Variants in PROX2 observed in about 807,000 individuals in gnomAD.
PROX2 encodes the protein prospero homeobox protein 2.
Under a neutral mutation model 48.9 loss-of-function variants are expected in PROX2, and 46 were observed. That is an observed-to-expected ratio of 0.94 (90% CI 0.74 to 1.20). PROX2 has a LOEUF of 1.20. PROX2 is among the 50% of genes most tolerant of loss of function. PROX2 has a pLI of 0.00. For missense variants in PROX2, 663 were observed against 719.4 expected (o/e 0.92, Z 0.90); for synonymous variants, 260 against 276.6 (o/e 0.94, Z 0.60).
At position 74,855,176 on chromosome 14, in the gene PROX2, T is replaced by A; in HGVS notation, c.1735A>T (p.Ser579Cys). 6.3e-7 allele frequency: 1 copy of A among 1,593,000 alleles called. No individual in the cohort carries two copies. The highest frequency in any genetic ancestry group is 1.1e-5 in the South Asian group (1 of 87,114). Residue 579 changes from serine (S) to cysteine (C), a missense_variant, in exon 6 of 6, where the codon AGT becomes TGT. Transcript: ENST00000556489. The part of the protein sequence containing the change: ...PIYKIISKLD[S>C]DIPEIFKSSS... ...GATTTGAATATCTCTGGGATGTCAC[T>A]GTCCAGTTTCGAAATAATTTTATAA... is the stretch of plus-strand genomic sequence containing the variant.
chr14:74,857,052 G>C, intron 4 of PROX2, 57 bp from the exon 5 acceptor site: 1 of 1,448,752 alleles, frequency 6.9e-7, no homozygotes, highest in South Asian at 1.2e-5. Flanking sequence ...CTCAGAATTA[G>C]AACTGTCTGC....
At chr14:74,870,079 A>G (rs1883172271) in intron 2 of PROX2, among the ~76,000 whole-genome samples, 1 of 151,914 alleles carries the variant, frequency 6.6e-6, no homozygotes, top group Non-Finnish European at 1.5e-5. Context: ...ATGTAACATT[A>G]TTTTATAAAA....
rs1192118646 is a variant in PROX2 at position 74,854,597 on chromosome 14, GATA to G, written c.*532_*534del. 2.0e-5 allele frequency: 3 copies of G among 153,070 alleles called. No individual in the cohort carries two copies. Among genetic ancestry groups the G allele is most frequent in the East Asian group, 1.9e-4 (1 of 5,208 alleles). The allele number at this position is 153,070 out of a possible 1,614,324, so 9.5% of individuals were successfully genotyped here. ...TCTGTTTGGTCATCTTTTAAATGAT[GATA>G]ATAACTACTTTTCAGGGTGAAAAGC... is the stretch of plus-strand genomic sequence containing the variant. On this transcript the variant is annotated 3_prime_UTR_variant, in exon 6 of 6. Coordinates refer to ENST00000556489, the MANE Select transcript of PROX2 (RefSeq NM_001243007.2).
chr14:74,857,242 G>C (rs916030289), intron 4 of PROX2: 6 of 386,952 alleles, frequency 1.6e-5, no homozygotes, highest in Non-Finnish European at 2.8e-5. Flanking sequence ...GATTTATGGG[G>C]GTTGTTTTAC....
At chr14:74,873,693 T>G (rs1382411927) in intron 1 of PROX2, 1 of 397,138 alleles carries the variant, frequency 2.5e-6, no homozygotes, top group Admixed American at 2.8e-5. Flanking sequence ...AATGAAGGAA[T>G]TAAGGCTTAA....
In PROX2 at chr14:74,857,132, A is replaced by G. The variant is rs575958609; in HGVS notation, c.1414-137T>C. On this transcript the variant is annotated intron_variant, in intron 4 of 5. Transcript: ENST00000556489. ...AACAGGGGCTTCCTTTAAAAAAAGAAGCGAAGCCACCGCTATTTTCCAAGC... is the reference window on the plus strand; with the variant it reads ...AACAGGGGCTTCCTTTAAAAAAAGAGGCGAAGCCACCGCTATTTTCCAAGC... 7.6e-6 allele frequency: 5 copies of G among 655,582 alleles called. No homozygotes were observed. The East Asian group carries it at 1.3e-4, about 17-fold the overall frequency. 40.6% of individuals were successfully genotyped at this position (655,582 alleles called of 1,614,324 possible).
intron 5 of PROX2, 58 bp from the exon 6 acceptor site, chr14:74,855,360 GC>G: frequency 7.1e-7 from 1 of 1,398,610 alleles, no homozygotes; most frequent in Non-Finnish European, 9.6e-7. Flanking sequence ...AAGCACTGGT[GC>G]CAGAGCCCTC....
intron 4 of PROX2, 101 bp downstream of exon 4, chr14:74,858,306 T>G (rs1230906756): frequency 3.0e-6 from 2 of 666,828 alleles, no homozygotes; most frequent in Non-Finnish European, 5.4e-6. Context: ...AAGGGGAGCT[T>G]GAAGTGCACA....
At chr14:74,869,279 A>G (rs1165981779) in intron 2 of PROX2, among the ~76,000 whole-genome samples, 2 of 146,058 alleles carry the variant, frequency 1.4e-5, no homozygotes, top group Non-Finnish European at 3.0e-5. Context: ...AGAACCTTCA[A>G]CTTTTTTTTT....
intron 3 of PROX2, chr14:74,861,168 G>T: frequency 1.5e-6 from 2 of 1,334,708 alleles, no homozygotes; most frequent in South Asian, 1.1e-5. Context: ...CCATCCTGCT[G>T]CCCTCACAGT....
chr14:74,864,304 CTGAACAACTGGCATTATGCCAAGA>C (rs747536232), intron 2 of PROX2, among the ~76,000 whole-genome samples: 23 of 152,106 alleles, frequency 1.5e-4, no homozygotes, highest in Non-Finnish European at 2.9e-4. Flanking sequence ...TGGCAGCCGC[CTGAACAACTGGCATTATGCCAAGA>C]ACTCTACATC....
At chr14:74,864,219 T>C (rs1403380284) in intron 2 of PROX2, among the ~76,000 whole-genome samples, 2 of 151,826 alleles carry the variant, frequency 1.3e-5, no homozygotes, top group Non-Finnish European at 1.5e-5. Flanking sequence ...ACTCCGAGAG[T>C]GATCTTACAG....
chr14:74,867,072 T>C (rs998259419), intron 2 of PROX2, among the ~76,000 whole-genome samples: 1 of 152,198 alleles, frequency 6.6e-6, no homozygotes, highest in African/African-American at 2.4e-5. Context: ...TGGGAACTGG[T>C]GGAAATTTTC....
chr14:74,863,747 A>G lies in PROX2; in HGVS notation c.88T>C (p.Ser30Pro). 6.5e-7 allele frequency: 1 copy of G among 1,528,782 alleles called. No individual in the cohort carries two copies. The highest frequency in any genetic ancestry group is 8.8e-7 in the Non-Finnish European group (1 of 1,142,698). The allele number at this position is 1,528,782 out of a possible 1,614,324, so 94.7% of individuals were successfully genotyped here. Reference protein sequence around the residue: ...EACTEGERSSSPPELDRDSPF... With the variant: ...EACTEGERSSPPPELDRDSPF... Reference sequence around the variant, plus strand: ...GAGTCTCTATCCAGCTCTGGAGGGGATGAGCTTCTCTCGCCTTCCGTACAA... The same window carrying G: ...GAGTCTCTATCCAGCTCTGGAGGGGGTGAGCTTCTCTCGCCTTCCGTACAA... Residue 30 changes from serine to proline, a missense_variant, in exon 3 of 6, where the codon TCC becomes CCC. Coordinates refer to ENST00000556489, the MANE Select transcript of PROX2 (RefSeq NM_001243007.2).
At chr14:74,875,723 C>A (rs1352408432) in intron 1 of PROX2, among the ~76,000 whole-genome samples, 172 bp downstream of exon 1, 1 of 152,088 alleles carries the variant, frequency 6.6e-6, no homozygotes, top group East Asian at 1.9e-4. Context: ...TTTCAGCCAA[C>A]AAAAATAAGC....
At position 74,863,203 on chromosome 14, in the gene PROX2, T is replaced by A; in HGVS notation, c.632A>T (p.Lys211Met). Residue 211 changes from lysine to methionine, a missense_variant, in exon 3 of 6, where the codon AAG becomes ATG. Transcript: ENST00000556489. ...TGCTCCAGAAGGAAGGAAACTGGGC[T>A]TCTCAGACTCTTGGTGTTTTTCTGC... The part of the protein sequence containing the change: ...SGAEKHQESE[K>M]PSFLPSGAPA... The A allele has an allele frequency of 6.2e-7, 1 of 1,614,044 alleles. No individual in the cohort carries two copies. The highest frequency in any genetic ancestry group is 8.5e-7 in the Non-Finnish European group (1 of 1,179,894).
At chr14:74,866,174 T>G (rs1249912702) in intron 2 of PROX2, among the ~76,000 whole-genome samples, 1 of 150,398 alleles carries the variant, frequency 6.6e-6, no homozygotes, top group African/African-American at 2.4e-5. Context: ...AGGAGAATTG[T>G]TTGAATCCAG....
At position 74,861,169 on chromosome 14, in the gene PROX2, C is replaced by T. The variant is rs560894032; in HGVS notation, c.1305+1361G>A. 1.3e-5 allele frequency: 18 copies of T among 1,336,708 alleles called. No individual in the cohort carries two copies. In the African/African-American group the frequency reaches 2.2e-4, roughly 17 times the overall value. 82.8% of individuals were successfully genotyped at this position (1,336,708 alleles called of 1,614,324 possible). On this transcript the variant is annotated intron_variant, in intron 3 of 5. Coordinates refer to ENST00000556489, the MANE Select transcript of PROX2 (RefSeq NM_001243007.2). ...GAGCTGGTCCCACCCCATCCTGCTG[C>T]CCTCACAGTAGTTGCCAGGCAAAGG...
rs977075787 is a variant in PROX2 at position 74,873,645 on chromosome 14, C to A, written c.-310+2250G>T. 2.5e-5 allele frequency: 8 copies of A among 322,136 alleles called. No homozygotes were observed. In the Admixed American group the frequency reaches 2.7e-4, roughly 11 times the overall value. 20.0% of individuals were successfully genotyped at this position (322,136 alleles called of 1,614,324 possible). Reference sequence around the variant, plus strand: ...GCCAGTCGCCTCCTGAGATCCTGTGCCTTCAAACCCTGAGAGTCCATATTT... The same window carrying A: ...GCCAGTCGCCTCCTGAGATCCTGTGACTTCAAACCCTGAGAGTCCATATTT... On this transcript the variant is annotated intron_variant, in intron 1 of 5. Transcript: ENST00000556489.
Sources: gnomAD v4.1 joint callset for allele counts (sites outside exome capture counted in the v4.1 genomes callset) on GRCh38, gnomAD v4.1.1 for gene constraint, MANE v1.5 for transcripts, NCBI Gene and HGNC (gene_info 2026-07-23, HGNC 2026-07-21) for gene names.